The following GNAQ variants were observed in gnomAD, a reference collection of about 807,000 sequenced individuals.
GNAQ encodes the protein G protein subunit alpha q.
Under a neutral mutation model 43.9 loss-of-function variants are expected in GNAQ, and 8 were observed. That is an observed-to-expected ratio of 0.18 (90% CI 0.11 to 0.33). The LOEUF (loss-of-function observed/expected upper bound fraction) is 0.33. Among genes scored for constraint, GNAQ ranks in the 10% least tolerant of loss-of-function variants. The pLI, the probability that GNAQ is intolerant of heterozygous loss-of-function variation, is 1.00. For synonymous variants in GNAQ, 155 were observed against 170.7 expected, an observed-to-expected ratio of 0.91 and a Z score of 0.71; for missense variants, 158 against 450.8, an observed-to-expected ratio of 0.35 and a Z score of 5.88.
chr9:77,866,881 A>G (rs768263995), intron 2 of GNAQ, among the ~76,000 whole-genome samples: 24 of 152,208 alleles, frequency 1.6e-4, no homozygotes, highest in Non-Finnish European at 3.5e-4. Flanking sequence ...TATTTTCTAT[A>G]GTTAGTTAAT....
intron 5 of GNAQ, among the ~76,000 whole-genome samples, chr9:77,768,600 G>A (rs571753110): frequency 6.6e-6 from 1 of 152,142 alleles, no homozygotes; most frequent in South Asian, 2.1e-4. Flanking sequence ...TAACTTTAAC[G>A]GCAAGCAGAA....
intron 5 of GNAQ, among the ~76,000 whole-genome samples, chr9:77,782,288 GAAC>G (rs1826406930): frequency 1.3e-5 from 2 of 151,956 alleles, no homozygotes; most frequent in Non-Finnish European, 2.9e-5. Context: ...ATTAAAAAAT[GAAC>G]AACTCAATTA....
intron 2 of GNAQ, among the ~76,000 whole-genome samples, chr9:77,824,682 G>C (rs1481221253): frequency 6.6e-6 from 1 of 152,102 alleles, no homozygotes; most frequent in Non-Finnish European, 1.5e-5. Context: ...TTTTAAAGAA[G>C]CAAAAGCATT....
intron 2 of GNAQ, among the ~76,000 whole-genome samples, chr9:77,825,889 A>G (rs1175119031): frequency 1.3e-5 from 2 of 152,224 alleles, no homozygotes; most frequent in Admixed American, 6.5e-5. Context: ...TGGGTTAGAT[A>G]TAAGAGGCCT....
chr9:77,828,059 C>CAAAAAA (rs71360654), intron 2 of GNAQ, among the ~76,000 whole-genome samples: 465 of 19,232 alleles, frequency 0.024, 131 homozygotes, highest in East Asian at 0.038. Flanking sequence ...GACTCCTCCT[C>CAAAAAA]AAAAAAAAAA....
At chr9:77,979,260 G>T (rs1479986749) in intron 1 of GNAQ, among the ~76,000 whole-genome samples, 1 of 151,780 alleles carries the variant, frequency 6.6e-6, no homozygotes, top group East Asian at 1.9e-4. Context: ...GGACGCTGAG[G>T]CTGGAGAATT....
intron 1 of GNAQ, among the ~76,000 whole-genome samples, chr9:78,016,014 G>GT (rs895402149): frequency 6.6e-6 from 1 of 151,864 alleles, no homozygotes; most frequent in Non-Finnish European, 1.5e-5. Flanking sequence ...AAAAGAATAC[G>GT]TTTTTTTCAA....
intron 5 of GNAQ, among the ~76,000 whole-genome samples, chr9:77,747,086 C>T (rs1004613985): frequency 3.3e-5 from 5 of 151,942 alleles, no homozygotes; most frequent in African/African-American, 7.3e-5. Flanking sequence ...GTGGTAGTTA[C>T]CCAAATTTTA....
chr9:77,806,853 T>G (rs1023917399), intron 3 of GNAQ, among the ~76,000 whole-genome samples: 3 of 152,096 alleles, frequency 2.0e-5, no homozygotes, highest in African/African-American at 7.2e-5. Flanking sequence ...AGTCTGGCAA[T>G]GAAGAAAAAC....
chr9:78,026,981 G>C (rs996495005), intron 1 of GNAQ, among the ~76,000 whole-genome samples: 7 of 152,128 alleles, frequency 4.6e-5, no homozygotes, highest in Admixed American at 3.3e-4. Context: ...CTGTACCATG[G>C]AGAAAAATGT....
intron 5 of GNAQ, among the ~76,000 whole-genome samples, chr9:77,752,515 T>C (rs1825827121): frequency 6.6e-6 from 1 of 152,224 alleles, no homozygotes; most frequent in South Asian, 2.1e-4. Flanking sequence ...ATCTCCTCTT[T>C]TTACAGCTGA....
intron 2 of GNAQ, among the ~76,000 whole-genome samples, chr9:77,863,204 A>AAGGAAGGAAGGAAGGAAGGG (rs1587371844): frequency 1.3e-5 from 2 of 150,558 alleles, no homozygotes; most frequent in South Asian, 4.2e-4. Flanking sequence ...GGAAGGAAGG[A>AAGGAAGGAAGGAAGGAAGGG]AGGAAGGAAG....
At chr9:77,756,144 T>G (rs1825899705) in intron 5 of GNAQ, among the ~76,000 whole-genome samples, 1 of 152,238 alleles carries the variant, frequency 6.6e-6, no homozygotes, top group South Asian at 2.1e-4. Context: ...GCTTTGGAAC[T>G]CGGACTGGCT....
At chr9:77,840,493 C>T (rs1827472885) in intron 2 of GNAQ, among the ~76,000 whole-genome samples, 1 of 151,954 alleles carries the variant, frequency 6.6e-6, no homozygotes, top group African/African-American at 2.4e-5. Flanking sequence ...TGCGCCACCA[C>T]ACCTGGCTAA....
intron 2 of GNAQ, among the ~76,000 whole-genome samples, chr9:77,897,952 A>AAAC (rs1554724090): frequency 2.0e-5 from 3 of 151,496 alleles, no homozygotes; most frequent in Non-Finnish European, 2.9e-5. Flanking sequence ...GAAAAAAAAA[A>AAAC]AAAAAAAAGC....
chr9:77,725,632 T>C (rs1825386692), intron 6 of GNAQ, among the ~76,000 whole-genome samples: 1 of 131,370 alleles, frequency 7.6e-6, no homozygotes, highest in African/African-American at 2.9e-5. Context: ...ATATTCACAA[T>C]GGGCACATGC....
intron 1 of GNAQ, among the ~76,000 whole-genome samples, chr9:77,949,559 G>A (rs1822951346): frequency 6.6e-6 from 1 of 152,134 alleles, no homozygotes; most frequent in African/African-American, 2.4e-5. Flanking sequence ...GAGTTAATGA[G>A]GGAACAGCAG....
chr9:78,014,898 G>C (rs4744857), intron 1 of GNAQ, among the ~76,000 whole-genome samples: 44,323 of 152,006 alleles, frequency 0.29, 6,634 homozygotes, highest in South Asian at 0.45. Context: ...TTATAATGGA[G>C]CTGAAAAATT....
intron 2 of GNAQ, among the ~76,000 whole-genome samples, chr9:77,887,134 A>C (rs1330506395): frequency 8.6e-6 from 1 of 116,926 alleles, no homozygotes; most frequent in Non-Finnish European, 1.9e-5. Context: ...AAATAAAATA[A>C]AGTAAAATAA....
Sources: gnomAD v4.1 joint callset for allele counts (sites outside exome capture counted in the v4.1 genomes callset) on GRCh38, gnomAD v4.1.1 for gene constraint, MANE v1.5 for transcripts, NCBI Gene and HGNC (gene_info 2026-07-23, HGNC 2026-07-21) for gene names.